The following SPTBN1 variants were observed in gnomAD, a reference collection of about 807,000 sequenced individuals.
SPTBN1 encodes spectrin beta chain, non-erythrocytic 1.
Under a neutral mutation model 266.4 loss-of-function variants are expected in SPTBN1, and 32 were observed. The ratio of observed to expected loss-of-function variants is 0.12; its 90% CI spans 0.09 to 0.16. The LOEUF is 0.16. SPTBN1 is among the 10% of genes least tolerant of loss of function. The pLI is 1.00. For missense variants in SPTBN1, 2,296 were observed against 3,067.1 expected, an observed-to-expected ratio of 0.75 and a Z score of 5.94; for synonymous variants, 1,336 against 1,162.2, an observed-to-expected ratio of 1.15 and a Z score of -3.04.
Position 54,559,439 on chromosome 2 carries a change from A to C in SPTBN1, c.148+32873A>C, listed in dbSNP as rs114419950. ...AGCCTTCCCATCTATTTAGTGGGCT[A>C]TATAATTTCTAATGAAAGCCGGTTA... On this transcript the variant is annotated intron_variant, in intron 2 of 35. Coordinates refer to ENST00000356805, the MANE Select transcript of SPTBN1 (RefSeq NM_003128.3). Among the ~76,000 whole-genome samples the C allele has an allele frequency of 8.0e-4, 122 of 152,326 alleles. No homozygotes were observed. In the Middle Eastern group the frequency reaches 0.017, roughly 21 times the overall value.
intron 2 of SPTBN1, among the ~76,000 whole-genome samples, chr2:54,577,474 C>G (rs951362752): frequency 6.6e-6 from 1 of 152,176 alleles, no homozygotes; most frequent in Non-Finnish European, 1.5e-5. Context: ...TATATGGATT[C>G]TCATGCAAAG....
chr2:54,612,246 A>C lies in SPTBN1; in HGVS notation c.386A>C (p.His129Pro). 1.9e-6 allele frequency: 3 copies of C among 1,614,178 alleles called. No homozygotes were observed. Among genetic ancestry groups the C allele is most frequent in the Non-Finnish European group, 2.5e-6 (3 of 1,180,000 alleles). Residue 129 changes from histidine to proline, a missense_variant, in exon 4 of 36, where the codon CAT becomes CCT. Around this residue, in one of 12 missense-constraint regions of SPTBN1, gnomAD observed 178 missense variants for 375.7 expected, o/e 0.47. Coordinates refer to ENST00000356805, the MANE Select transcript of SPTBN1 (RefSeq NM_003128.3). ...ALQFLKEQRV[H>P]LENMGSHDIV... ...CAGTTCCTGAAGGAGCAGAGAGTCC[A>C]TCTTGAGAACATGGGGTCCCATGAC...
At position 54,657,858 on chromosome 2, in the gene SPTBN1, G is replaced by T. The variant is rs770492069; in HGVS notation, c.6055G>T (p.Val2019Phe). ...RWEWLRLILE[V>F]HQFSRDASVA... ...CATGGTACCCTGTGCAGTTCTGGAG[G>T]TCCATCAGTTCTCAAGAGACGCCAG... is the stretch of plus-strand genomic sequence containing the variant. The change falls in exon 30 of 36, where the codon GTC becomes TTC. Residue 2019 changes from valine to phenylalanine, a missense_variant. Coordinates refer to ENST00000356805, the MANE Select transcript of SPTBN1 (RefSeq NM_003128.3). 1 of 1,614,190 alleles carries T rather than the reference G, an allele frequency of 6.2e-7. No homozygotes were observed. The highest frequency in any genetic ancestry group is 8.5e-7 in the Non-Finnish European group (1 of 1,180,036).
chr2:54,501,873 G>A (rs960788570), intron 1 of SPTBN1, among the ~76,000 whole-genome samples: 2 of 152,196 alleles, frequency 1.3e-5, no homozygotes, highest in African/African-American at 2.4e-5. Context: ...CAACTAGTGT[G>A]TATAGAGACT....
chr2:54,613,960 C>T (rs1475915359), intron 4 of SPTBN1, among the ~76,000 whole-genome samples: 1 of 152,160 alleles, frequency 6.6e-6, no homozygotes, highest in African/African-American at 2.4e-5. Context: ...GGGTCAGCAC[C>T]CAGGTCAGGG....
At chr2:54,489,822 C>G (rs1325608010) in intron 1 of SPTBN1, among the ~76,000 whole-genome samples, 1 of 152,190 alleles carries the variant, frequency 6.6e-6, no homozygotes, top group Non-Finnish European at 1.5e-5. Flanking sequence ...TTTTGGAAAA[C>G]ACTCCTGAGA....
chr2:54,580,709 G>A (rs1368223147), intron 2 of SPTBN1, among the ~76,000 whole-genome samples: 2 of 151,986 alleles, frequency 1.3e-5, no homozygotes, highest in Non-Finnish European at 2.9e-5. Flanking sequence ...GGTTTCTACT[G>A]TATACTTCCA....
chr2:54,519,638 G>A (rs1357575539), intron 1 of SPTBN1, among the ~76,000 whole-genome samples: 5 of 152,178 alleles, frequency 3.3e-5, no homozygotes, highest in Admixed American at 1.3e-4. Flanking sequence ...TCTCTCCTAA[G>A]GCTTCTTGGC....
chr2:54,476,499 A>G (rs1573226588), intron 1 of SPTBN1, among the ~76,000 whole-genome samples: 1 of 152,198 alleles, frequency 6.6e-6, no homozygotes, highest in Non-Finnish European at 1.5e-5. Flanking sequence ...TGGGCTTAAT[A>G]ACATGTACTA....
At chr2:54,635,797 T>C (rs1415278298) in intron 17 of SPTBN1, among the ~76,000 whole-genome samples, 1 of 152,134 alleles carries the variant, frequency 6.6e-6, no homozygotes. Flanking sequence ...ACTCATATTA[T>C]CTCCTTTCTA....
At chr2:54,489,166 A>AG (rs1019111796) in intron 1 of SPTBN1, among the ~76,000 whole-genome samples, 1 of 150,624 alleles carries the variant, frequency 6.6e-6, no homozygotes, top group Non-Finnish European at 1.5e-5. Context: ...AAAAAAAAAA[A>AG]AAAAAAAAAC....
intron 1 of SPTBN1, among the ~76,000 whole-genome samples, chr2:54,476,643 A>G (rs1271416910): frequency 6.6e-6 from 1 of 152,210 alleles, no homozygotes; most frequent in Admixed American, 6.5e-5. Flanking sequence ...CCTCTCTCGG[A>G]TGCAGGTTTT....
chr2:54,555,461 A>G (rs1236766091), intron 2 of SPTBN1, among the ~76,000 whole-genome samples: 3 of 152,140 alleles, frequency 2.0e-5, no homozygotes, highest in African/African-American at 7.2e-5. Context: ...TTAGTTACCA[A>G]AGTCCTTTGG....
intron 2 of SPTBN1, among the ~76,000 whole-genome samples, chr2:54,570,665 AT>A (rs1441886664): frequency 6.6e-6 from 1 of 152,188 alleles, no homozygotes; most frequent in Non-Finnish European, 1.5e-5. Flanking sequence ...CATAGACATG[AT>A]TTTGGTGGAA....
rs1209132160 is a variant in SPTBN1, at chr2:54,576,074, A to ATTTT, written c.149-23018_149-23017insTTTT. On this transcript the variant is annotated intron_variant, in intron 2 of 35. Coordinates refer to ENST00000356805, the MANE Select transcript of SPTBN1 (RefSeq NM_003128.3). Reference sequence around the variant, plus strand: ...ATCCAGCTTTTTTTTTTTTTTTTTGAGAGACAGTCTGGCTGTGTCTCCCAG... The same window carrying ATTTT: ...ATCCAGCTTTTTTTTTTTTTTTTTGATTTTGAGACAGTCTGGCTGTGTCTCCCAG... 2.2e-4 allele frequency among the ~76,000 whole-genome samples: 21 copies of ATTTT among 93,860 alleles called. 5 individuals carry two copies. The highest frequency in any genetic ancestry group is 0.014 in the Middle Eastern group (2 of 140). The allele number at this position is 93,860 out of a possible 152,430, so 61.6% of individuals were successfully genotyped here. A position where few individuals can be genotyped will look rare whatever the true frequency, so the allele number is the denominator to read the frequency against.
chr2:54,617,792 C>A, intron 6 of SPTBN1, 104 bp downstream of exon 6: 1 of 1,108,432 alleles, frequency 9.0e-7, no homozygotes, highest in Non-Finnish European at 1.3e-6. Context: ...AACTGTCTCA[C>A]CGTGGTGGAA....
intron 1 of SPTBN1, among the ~76,000 whole-genome samples, chr2:54,478,929 T>G (rs973610583): frequency 6.6e-6 from 1 of 152,144 alleles, no homozygotes; most frequent in Admixed American, 6.5e-5. Context: ...TATATATATG[T>G]TTTATTACTA....
chr2:54,561,045 A>G (rs1304219959), intron 2 of SPTBN1, among the ~76,000 whole-genome samples: 1 of 152,160 alleles, frequency 6.6e-6, no homozygotes, highest in South Asian at 2.1e-4. Context: ...AATTTTGTAC[A>G]TTCCTGCAAG....
chr2:54,656,154 A>G (rs1458432487), intron 29 of SPTBN1, among the ~76,000 whole-genome samples, 156 bp downstream of exon 29: 1 of 152,204 alleles, frequency 6.6e-6, no homozygotes, highest in East Asian at 1.9e-4. Flanking sequence ...GGTAAATACT[A>G]CTTTTAAGAA....
Sources: allele counts gnomAD v4.1 joint callset (sites outside exome capture counted in the v4.1 genomes callset), GRCh38; gene constraint gnomAD v4.1.1; regional missense constraint gnomAD v4.1.1; transcripts MANE v1.5; gene names NCBI Gene and HGNC (gene_info 2026-07-23, HGNC 2026-07-21).